ST3GAL2: variants seen among roughly 807,000 people sequenced by gnomAD.
ST3GAL2 encodes the protein CMP-N-acetylneuraminate-beta-galactosamide-alpha-2,3-sialyltransferase 2.
In ST3GAL2, 16 loss-of-function variants were observed where a neutral mutation model predicts 37.5. The observed-to-expected ratio is 0.43, with a 90% CI of 0.29 to 0.65. ST3GAL2 has a LOEUF of 0.65. Among genes scored for constraint, ST3GAL2 ranks in the 30% least tolerant of loss-of-function variants. The pLI is 0.17. For missense variants in ST3GAL2, 383 were observed against 487.8 expected (o/e 0.79, Z 2.02); for synonymous variants, 238 against 202.9 (o/e 1.17, Z -1.47).
At chr16:70,413,971 T>C (rs930518701) in intron 1 of ST3GAL2, among the ~76,000 whole-genome samples, 1 of 152,166 alleles carries the variant, frequency 6.6e-6, no homozygotes, top group African/African-American at 2.4e-5. Context: ...CTTTCTTCCT[T>C]GTGTTCTTGT....
chr16:70,378,204 G>A lies in ST3GAL2; in HGVS notation c.*3485C>T, dbSNP rs1220400929. On this transcript the variant is annotated 3_prime_UTR_variant, in exon 7 of 7. Transcript: ENST00000342907. ...AAAGGGGGTGGATGACCTGTGGTCAGGAGTTCGAGACCAGCCTGGCCAACA... is the reference window on the plus strand; with the variant it reads ...AAAGGGGGTGGATGACCTGTGGTCAAGAGTTCGAGACCAGCCTGGCCAACA... The A allele has an allele frequency of 6.6e-6, 1 of 152,148 alleles. No individual in the cohort carries two copies. The highest frequency in any genetic ancestry group is 1.5e-5 in the Non-Finnish European group (1 of 68,054). 9.4% of individuals were successfully genotyped at this position (152,148 alleles called of 1,614,324 possible).
At position 70,381,619 on chromosome 16, in the gene ST3GAL2, T is replaced by C. The variant is rs1306905530; in HGVS notation, c.*70A>G. ...TGCAGCATGATTGGTCGCGGGTTGC[T>C]GGTCCTGGGTCCCGGGCCGGAGCCC... On this transcript the variant is annotated 3_prime_UTR_variant, in exon 7 of 7. Coordinates refer to ENST00000342907, the MANE Select transcript of ST3GAL2 (RefSeq NM_006927.4). 3.6e-5 allele frequency: 56 copies of C among 1,555,378 alleles called. No homozygotes were observed. Among genetic ancestry groups the C allele is most frequent in the Non-Finnish European group, 4.6e-5 (53 of 1,151,372 alleles).
At chr16:70,402,128 C>T (rs1439391540) in intron 1 of ST3GAL2, among the ~76,000 whole-genome samples, 1 of 151,208 alleles carries the variant, frequency 6.6e-6, no homozygotes, top group Non-Finnish European at 1.5e-5. Context: ...GAAGAAACCC[C>T]ATCTCTACTA....
At chr16:70,384,209 C>T (rs770810120) in intron 4 of ST3GAL2, among the ~76,000 whole-genome samples, 1 of 152,098 alleles carries the variant, frequency 6.6e-6, no homozygotes, top group African/African-American at 2.4e-5. Flanking sequence ...AGGTAGAACA[C>T]AAACCAAGCA....
intron 1 of ST3GAL2, among the ~76,000 whole-genome samples, chr16:70,413,414 T>C (rs1160915338): frequency 9.5e-5 from 14 of 147,036 alleles, no homozygotes; most frequent in Admixed American, 9.5e-4. Flanking sequence ...AGACTCTGTC[T>C]CTATAAAAAA....
intron 1 of ST3GAL2, among the ~76,000 whole-genome samples, chr16:70,434,393 C>T (rs937423941): frequency 6.6e-6 from 1 of 151,694 alleles, no homozygotes; most frequent in African/African-American, 2.4e-5. Context: ...GCCGAGATCA[C>T]ACCACTGTAC....
At chr16:70,419,100 T>C (rs1236580382) in intron 1 of ST3GAL2, among the ~76,000 whole-genome samples, 5 of 152,106 alleles carry the variant, frequency 3.3e-5, no homozygotes, top group Non-Finnish European at 5.9e-5. Flanking sequence ...GGGACTCTGG[T>C]CTGGGTCCTA....
Position 70,392,336 on chromosome 16 carries a change from C to T in ST3GAL2, c.533+2646G>A, listed in dbSNP as rs376081420. Among the ~76,000 whole-genome samples the T allele has an allele frequency of 6.6e-5, 10 of 152,310 alleles. No individual in the cohort carries two copies. The South Asian group carries it at 1.0e-3, about 16-fold the overall frequency. On this transcript the variant is annotated intron_variant, in intron 3 of 6. Transcript: ENST00000342907. Reference sequence around the variant, plus strand: ...GCCCTGGAAAGGGGCCAGAGCAGGACGAGGAGGATGAGCTGCATCTCTGGC... The same window carrying T: ...GCCCTGGAAAGGGGCCAGAGCAGGATGAGGAGGATGAGCTGCATCTCTGGC...
At position 70,377,149 on chromosome 16, in the gene ST3GAL2, C is replaced by G; in HGVS notation, c.*4540G>C. 7.0e-6 allele frequency: 1 copy of G among 143,614 alleles called. No homozygotes were observed. Among genetic ancestry groups the G allele is most frequent in the East Asian group, 2.0e-4 (1 of 4,952 alleles). The allele number at this position is 143,614 out of a possible 1,614,324, so 8.9% of individuals were successfully genotyped here. A position where few individuals can be genotyped will look rare whatever the true frequency, so the allele number is the denominator to read the frequency against. ...TTTGAGGCTGCAGTGAGCTCTGCAC[C>G]AGTCTGGGCGACAGGAGACCCTGTC... is the stretch of plus-strand genomic sequence containing the variant. On this transcript the variant is annotated 3_prime_UTR_variant, in exon 7 of 7. Transcript: ENST00000342907.
chr16:70,377,956 G>T lies in ST3GAL2; in HGVS notation c.*3733C>A, dbSNP rs988317120. Reference sequence around the variant, plus strand: ...CTTACCTAACTTCCCTTCCCACAACGTCACTAAAGCTATGGGAAAGGAATG... The same window carrying T: ...CTTACCTAACTTCCCTTCCCACAACTTCACTAAAGCTATGGGAAAGGAATG... On this transcript the variant is annotated 3_prime_UTR_variant, in exon 7 of 7. Transcript: ENST00000342907. The T allele has an allele frequency of 6.6e-6, 1 of 152,068 alleles. No individual in the cohort carries two copies. The highest frequency in any genetic ancestry group is 2.4e-5 in the African/African-American group (1 of 41,418). 9.4% of individuals were successfully genotyped at this position (152,068 alleles called of 1,614,324 possible). A position where few individuals can be genotyped will look rare whatever the true frequency, so the allele number is the denominator to read the frequency against.
chr16:70,432,791 T>G (rs536299164), intron 1 of ST3GAL2, among the ~76,000 whole-genome samples: 2 of 152,206 alleles, frequency 1.3e-5, no homozygotes, highest in East Asian at 3.9e-4. Flanking sequence ...GGCCCTTTAG[T>G]TGGTAAGGAC....
intron 1 of ST3GAL2, among the ~76,000 whole-genome samples, chr16:70,402,578 G>A (rs544373997): frequency 2.5e-4 from 38 of 152,296 alleles, no homozygotes; most frequent in African/African-American, 9.1e-4. Flanking sequence ...GGGAAGAGAG[G>A]TAGATGAAAT....
intron 1 of ST3GAL2, among the ~76,000 whole-genome samples, chr16:70,421,647 G>C (rs1268257798): frequency 1.3e-5 from 2 of 152,214 alleles, no homozygotes; most frequent in Non-Finnish European, 2.9e-5. Flanking sequence ...TCAGGGACTG[G>C]GGATGTGAGG....
intron 6 of ST3GAL2, among the ~76,000 whole-genome samples, chr16:70,382,574 G>A (rs924479970): frequency 1.3e-5 from 2 of 152,274 alleles, no homozygotes; most frequent in Admixed American, 6.5e-5. Flanking sequence ...GTCAGCCACC[G>A]CGCACGGCCA....
intron 1 of ST3GAL2, among the ~76,000 whole-genome samples, chr16:70,419,675 G>C (rs1257679060): frequency 6.6e-6 from 1 of 152,210 alleles, no homozygotes; most frequent in African/African-American, 2.4e-5. Flanking sequence ...CCCTGTCCCA[G>C]CCTGGCGGCC....
intron 1 of ST3GAL2, among the ~76,000 whole-genome samples, chr16:70,418,790 A>G (rs1251367392): frequency 1.3e-5 from 2 of 152,136 alleles, no homozygotes; most frequent in African/African-American, 2.4e-5. Flanking sequence ...TCCCTAGAAG[A>G]GGGGTGAAAC....
At chr16:70,388,235 A>G in intron 4 of ST3GAL2, 132 bp downstream of exon 4, 1 of 1,135,866 alleles carries the variant, frequency 8.8e-7, no homozygotes, top group Non-Finnish European at 1.3e-6. Flanking sequence ...CCACCAACTT[A>G]GGCCCTCCCT....
chr16:70,426,184 T>C (rs959687768), intron 1 of ST3GAL2, among the ~76,000 whole-genome samples: 2 of 122,842 alleles, frequency 1.6e-5, no homozygotes, highest in African/African-American at 7.1e-5. Flanking sequence ...CCAAAGCCTT[T>C]TTTTTTTTTT....
intron 1 of ST3GAL2, among the ~76,000 whole-genome samples, chr16:70,427,617 G>A (rs931722404): frequency 1.3e-5 from 2 of 152,094 alleles, no homozygotes; most frequent in Admixed American, 6.6e-5. Flanking sequence ...GATTACAGGC[G>A]TGAGCCACTG....
Sources: gnomAD v4.1 joint callset for allele counts (sites outside exome capture counted in the v4.1 genomes callset) on GRCh38, gnomAD v4.1.1 for gene constraint, MANE v1.5 for transcripts, NCBI Gene and HGNC (gene_info 2026-07-23, HGNC 2026-07-21) for gene names.